The following QTMAN variants were observed in gnomAD, a reference collection of about 807,000 sequenced individuals.
QTMAN encodes the protein queuosine-tRNA mannosyltransferase.
the QTMAN span, among the ~76,000 whole-genome samples, chr2:144,153,886 G>C: frequency 6.6e-6 from 1 of 152,072 alleles, no homozygotes; most frequent in Non-Finnish European, 1.5e-5. Context: ...TAAGAGATAC[G>C]ACTTATTATC....
At chr2:144,079,434 AT>A in the QTMAN span, among the ~76,000 whole-genome samples, 5 of 152,184 alleles carry the variant, frequency 3.3e-5, no homozygotes, top group African/African-American at 9.6e-5. Flanking sequence ...TAATTTAAAA[AT>A]ATTATAGATT....
the QTMAN span, among the ~76,000 whole-genome samples, chr2:144,313,079 A>G: frequency 7.9e-5 from 12 of 152,182 alleles, no homozygotes; most frequent in Non-Finnish European, 1.2e-4. Flanking sequence ...GACAAACTAC[A>G]TATCAATTTA....
chr2:143,958,108 T>G, the QTMAN span, among the ~76,000 whole-genome samples: 7 of 152,096 alleles, frequency 4.6e-5, no homozygotes, highest in Non-Finnish European at 7.4e-5. Flanking sequence ...GTTCAAATAT[T>G]TAGAAGATAG....
At chr2:144,224,923 G>A in the QTMAN span, among the ~76,000 whole-genome samples, 288 of 152,246 alleles carry the variant, frequency 1.9e-3, 1 homozygote, top group African/African-American at 6.5e-3. Context: ...TAGAACATTT[G>A]AGCAGGGTCT....
the QTMAN span, among the ~76,000 whole-genome samples, chr2:144,180,031 G>T: frequency 1.3e-5 from 2 of 152,158 alleles, no homozygotes; most frequent in African/African-American, 4.8e-5. Context: ...CATTCCCAGT[G>T]TTTGGCTAGT....
the QTMAN span, among the ~76,000 whole-genome samples, chr2:144,115,152 A>G: frequency 6.6e-6 from 1 of 152,004 alleles, no homozygotes; most frequent in Non-Finnish European, 1.5e-5. Flanking sequence ...AATTGCTTGA[A>G]CCCAGGAGGC....
At chr2:144,238,690 T>G in the QTMAN span, among the ~76,000 whole-genome samples, 1 of 152,136 alleles carries the variant, frequency 6.6e-6, no homozygotes, top group Non-Finnish European at 1.5e-5. Context: ...CTCCACTGCT[T>G]TCTTCTCCTT....
chr2:144,087,304 T>C, the QTMAN span, among the ~76,000 whole-genome samples: 5 of 152,166 alleles, frequency 3.3e-5, no homozygotes, highest in Non-Finnish European at 7.4e-5. Context: ...TATTCAAAAT[T>C]AGTTTGTAGT....
chr2:144,105,883 C>G, the QTMAN span, among the ~76,000 whole-genome samples: 1 of 152,088 alleles, frequency 6.6e-6, no homozygotes, highest in Non-Finnish European at 1.5e-5. Flanking sequence ...AAAGGGAAGC[C>G]CATTAGACTA....
the QTMAN span, among the ~76,000 whole-genome samples, chr2:144,008,974 G>A: frequency 6.6e-5 from 10 of 152,042 alleles, no homozygotes; most frequent in South Asian, 2.1e-3. Context: ...GAGAAGGGAG[G>A]GGAAGGCAAG....
chr2:144,274,716 C>T, the QTMAN span, among the ~76,000 whole-genome samples: 1 of 152,194 alleles, frequency 6.6e-6, no homozygotes, highest in Non-Finnish European at 1.5e-5. Context: ...CCTGTCTGTA[C>T]CTTTTGTAAT....
the QTMAN span, among the ~76,000 whole-genome samples, chr2:144,220,069 T>C: frequency 6.6e-6 from 1 of 152,184 alleles, no homozygotes; most frequent in Non-Finnish European, 1.5e-5. Context: ...CCAGAAAAAC[T>C]GGACAGAGTC....
chr2:144,130,960 C>T, the QTMAN span, among the ~76,000 whole-genome samples: 128 of 152,032 alleles, frequency 8.4e-4, 1 homozygote, highest in East Asian at 0.021. Context: ...ATTCAATATA[C>T]TCCTGCTTAC....
At chr2:144,251,315 T>C in the QTMAN span, among the ~76,000 whole-genome samples, 2 of 152,164 alleles carry the variant, frequency 1.3e-5, no homozygotes, top group African/African-American at 2.4e-5. Context: ...ACAGTGGGTA[T>C]GGTGAAACAG....
the QTMAN span, among the ~76,000 whole-genome samples, chr2:144,322,654 AGCCC>A: frequency 6.6e-6 from 1 of 152,210 alleles, no homozygotes; most frequent in Non-Finnish European, 1.5e-5. Flanking sequence ...ATGTATTAAT[AGCCC>A]ATTCAGATAA....
At chr2:144,141,652 T>TAAAAG in the QTMAN span, among the ~76,000 whole-genome samples, 55 of 141,146 alleles carry the variant, frequency 3.9e-4, no homozygotes, top group South Asian at 9.1e-4. Flanking sequence ...AACAAATAAA[T>TAAAAG]AAAAGAAAAG....
chr2:144,054,804 T>C, the QTMAN span, among the ~76,000 whole-genome samples: 1 of 152,222 alleles, frequency 6.6e-6, no homozygotes, highest in East Asian at 1.9e-4. Context: ...ACTATAATGC[T>C]AGTAATGCCT....
At chr2:144,017,256 G>T in the QTMAN span, among the ~76,000 whole-genome samples, 1 of 152,144 alleles carries the variant, frequency 6.6e-6, no homozygotes, top group Admixed American at 6.5e-5. Flanking sequence ...ACCCACCTCG[G>T]CCTCCCAAAG....
chr2:144,018,802 G>A, the QTMAN span, among the ~76,000 whole-genome samples: 30 of 152,270 alleles, frequency 2.0e-4, no homozygotes, highest in African/African-American at 6.7e-4. Flanking sequence ...ATATAATGTG[G>A]TAGGTGCTTC....
Sources: allele counts gnomAD v4.1 joint callset (sites outside exome capture counted in the v4.1 genomes callset), GRCh38; gene constraint gnomAD v4.1.1; transcripts MANE v1.5; gene names NCBI Gene and HGNC (gene_info 2026-07-23, HGNC 2026-07-21).